The following SLC44A5 variants were observed in gnomAD, a reference collection of about 807,000 sequenced individuals.
The protein encoded by SLC44A5 is solute carrier family 44 member 5.
In SLC44A5, 57 loss-of-function variants were observed where a neutral mutation model predicts 101.8. The ratio of observed to expected loss-of-function variants is 0.56; its 90% confidence interval spans 0.45 to 0.70. SLC44A5 has a LOEUF of 0.70. Among genes scored for constraint, SLC44A5 ranks in the 30% least tolerant of loss-of-function variants. SLC44A5 has a pLI of 0.00. For synonymous variants in SLC44A5, 281 were observed against 290.9 expected (o/e 0.97, Z 0.35); for missense variants, 737 against 853.1 (o/e 0.86, Z 1.70).
chr1:75,471,115 A>G (rs1387194750), intron 2 of SLC44A5, among the ~76,000 whole-genome samples: 1 of 152,158 alleles, frequency 6.6e-6, no homozygotes, highest in Non-Finnish European at 1.5e-5. Context: ...TTTCTCAGTG[A>G]TTCGTTGAAG....
intron 1 of SLC44A5, among the ~76,000 whole-genome samples, chr1:75,579,804 G>A (rs1673578618): frequency 9.1e-6 from 1 of 110,186 alleles, no homozygotes; most frequent in Non-Finnish European, 1.9e-5. Context: ...AGAGGATTTG[G>A]AGAAGACAAA....
At chr1:75,700,419 C>T in the SLC44A5 span, among the ~76,000 whole-genome samples, 6 of 148,960 alleles carry the variant, frequency 4.0e-5, no homozygotes, top group South Asian at 2.2e-4. Flanking sequence ...GGGTACATAA[C>T]GAAATGAAGG....
At chr1:75,389,324 C>T (rs1363564126) in intron 3 of SLC44A5, among the ~76,000 whole-genome samples, 1 of 152,074 alleles carries the variant, frequency 6.6e-6, no homozygotes, top group African/African-American at 2.4e-5. Flanking sequence ...ACCAACCGGA[C>T]CTAAAAGACA....
intron 5 of SLC44A5, among the ~76,000 whole-genome samples, chr1:75,278,892 A>C (rs1321705224): frequency 6.6e-6 from 1 of 152,000 alleles, no homozygotes; most frequent in Non-Finnish European, 1.5e-5. Flanking sequence ...ATGCAAAATA[A>C]CTTTTATTAC....
At chr1:75,654,391 C>T in the SLC44A5 span, among the ~76,000 whole-genome samples, 1 of 152,144 alleles carries the variant, frequency 6.6e-6, no homozygotes, top group Non-Finnish European at 1.5e-5. Context: ...CTGTCAAAAA[C>T]AAATATAGTC....
intron 3 of SLC44A5, among the ~76,000 whole-genome samples, chr1:75,358,666 C>A (rs1401484888): frequency 6.6e-6 from 1 of 151,960 alleles, no homozygotes; most frequent in Non-Finnish European, 1.5e-5. Flanking sequence ...GTACTTTATA[C>A]CCCCAAAATT....
At chr1:75,481,297 AC>A (rs1667829902) in intron 2 of SLC44A5, among the ~76,000 whole-genome samples, 1 of 152,210 alleles carries the variant, frequency 6.6e-6, no homozygotes, top group Non-Finnish European at 1.5e-5. Context: ...AAACCATAAA[AC>A]CCCTAGAAGA....
the SLC44A5 span, among the ~76,000 whole-genome samples, chr1:75,721,168 A>T: frequency 6.6e-6 from 1 of 152,180 alleles, no homozygotes; most frequent in African/African-American, 2.4e-5. Flanking sequence ...ACTTCCCATC[A>T]TGGCCTGAAG....
intron 2 of SLC44A5, among the ~76,000 whole-genome samples, chr1:75,480,825 T>G (rs1367541049): frequency 6.6e-6 from 1 of 152,212 alleles, no homozygotes; most frequent in African/African-American, 2.4e-5. Context: ...ATGGTCATAC[T>G]GCCCAAGGTA....
At chr1:75,548,072 TA>T (rs1671748274) in intron 1 of SLC44A5, among the ~76,000 whole-genome samples, 1 of 152,146 alleles carries the variant, frequency 6.6e-6, no homozygotes. Context: ...ATTTTCCACA[TA>T]AAAATTTATT....
At chr1:75,717,383 T>G in the SLC44A5 span, among the ~76,000 whole-genome samples, 1 of 150,938 alleles carries the variant, frequency 6.6e-6, no homozygotes. Context: ...TATCAGAAGT[T>G]CTCACTCATA....
intron 3 of SLC44A5, among the ~76,000 whole-genome samples, chr1:75,377,281 T>C (rs1332916227): frequency 1.7e-5 from 2 of 118,848 alleles, no homozygotes; most frequent in Non-Finnish European, 3.4e-5. Context: ...TTAAGGGCGG[T>C]GCAAGATGTG....
chr1:75,350,403 T>C (rs1658558084), intron 3 of SLC44A5, among the ~76,000 whole-genome samples: 1 of 151,956 alleles, frequency 6.6e-6, no homozygotes, highest in Admixed American at 6.6e-5. Flanking sequence ...AAATGTGTAC[T>C]GTTTGAGCCA....
chr1:75,667,285 GAACA>G, the SLC44A5 span, among the ~76,000 whole-genome samples: 1 of 151,572 alleles, frequency 6.6e-6, no homozygotes, highest in Non-Finnish European at 1.5e-5. Context: ...TATACACCAA[GAACA>G]AACAGAGAGC....
At chr1:75,577,440 C>A (rs1275236339) in intron 1 of SLC44A5, among the ~76,000 whole-genome samples, 1 of 152,222 alleles carries the variant, frequency 6.6e-6, no homozygotes. Context: ...ATGCTCCCGC[C>A]TCAGAGCCTT....
chr1:75,348,162 T>TTC (rs147599378), intron 3 of SLC44A5, among the ~76,000 whole-genome samples: 180 of 149,620 alleles, frequency 1.2e-3, no homozygotes, highest in African/African-American at 3.7e-3. Flanking sequence ...CTCTCTCTCT[T>TTC]TCTCTCTCTC....
intron 1 of SLC44A5, among the ~76,000 whole-genome samples, chr1:75,572,885 G>GCCT (rs1557921171): frequency 6.6e-6 from 1 of 151,976 alleles, no homozygotes; most frequent in Non-Finnish European, 1.5e-5. Flanking sequence ...CACTTTGGGA[G>GCCT]GCTAAGGCAG....
intron 6 of SLC44A5, among the ~76,000 whole-genome samples, chr1:75,265,942 T>C (rs1650947895): frequency 6.6e-6 from 1 of 152,186 alleles, no homozygotes; most frequent in Non-Finnish European, 1.5e-5. Flanking sequence ...AAAAGGTCTG[T>C]ACCTAAGTGT....
At chr1:75,710,611 A>T in the SLC44A5 span, 1 of 151,380 alleles carries the variant, frequency 6.6e-6, no homozygotes, top group Non-Finnish European at 1.5e-5. Context: ...AGTTAAATAA[A>T]ATCTAAAAAG....
Sources: gnomAD v4.1 joint callset for allele counts (sites outside exome capture counted in the v4.1 genomes callset) on GRCh38, gnomAD v4.1.1 for gene constraint, MANE v1.5 for transcripts, NCBI Gene and HGNC (gene_info 2026-07-23, HGNC 2026-07-21) for gene names.